Variants in AK1 observed in about 807,000 individuals in gnomAD.
AK1 encodes adenylate kinase 1, also known as adenylate kinase isoenzyme 1.
In AK1, 13 loss-of-function variants were observed where a neutral mutation model predicts 23.9. That is an observed-to-expected ratio of 0.54 (90% confidence interval 0.35 to 0.86). The LOEUF (loss-of-function observed/expected upper bound fraction) is 0.86. Among genes scored for constraint, AK1 ranks in the 40% least tolerant of loss-of-function variants. The pLI, the probability that AK1 is intolerant of heterozygous loss-of-function variation, is 0.01. For synonymous variants in AK1, 97 were observed against 102.8 expected (o/e 0.94, Z 0.34); for missense variants, 214 against 255.1 (o/e 0.84, Z 1.10).
chr9:127,870,074 G>GCGC (rs1002903404), intron 5 of AK1, among the ~76,000 whole-genome samples: 1 of 152,138 alleles, frequency 6.6e-6, no homozygotes, highest in African/African-American at 2.4e-5. Context: ...TGAAGCCCTG[G>GCGC]CGCCCCCTGG....
In AK1 at chr9:127,868,360, A is replaced by G. The variant is rs913986; in HGVS notation, c.477T>C (p.Pro159=). 1,609,367 of 1,609,908 alleles carry G rather than the reference A, an allele frequency of 1. 804,416 individuals carry two copies. Among genetic ancestry groups the G allele is most frequent in the Middle Eastern group, 1 (5,844 of 5,844 alleles). The change falls in exon 6 of 7, where the codon CCT becomes CCC. Residue 159 remains proline, a synonymous_variant. Coordinates refer to ENST00000644144, the MANE Select transcript of AK1 (RefSeq NM_000476.3). The surrounding 1 kb of genome is among the most constrained non-coding windows in gnomAD (Gnocchi z 4.1). ...CACGTTTCTCATAGAAGGCGATGAC[A>G]GGTTCTGTGGCCTTGTAATAGGTCT... The part of the protein sequence containing the change: ...RLETYYKATE[P]VIAFYEKRGI...
intron 1 of AK1, among the ~76,000 whole-genome samples, chr9:127,876,584 G>A (rs1389578615): frequency 6.6e-6 from 1 of 152,184 alleles, no homozygotes; most frequent in African/African-American, 2.4e-5. Context: ...CCCCTCAGCA[G>A]CTGCCCATGG....
intron 2 of AK1, chr9:127,873,331 CGGGCT>C (rs1829461439): frequency 1.3e-6 from 2 of 1,541,010 alleles, no homozygotes; most frequent in African/African-American, 2.7e-5. Context: ...ACACAGCCAG[CGGGCT>C]GGGCCGCCAG....
At chr9:127,879,189 G>A (rs1377219940), upstream of AK1, among the ~76,000 whole-genome samples, 1 of 152,152 alleles carries the variant, frequency 6.6e-6, no homozygotes, top group African/African-American at 2.4e-5. Context: ...TAAAGTGCCA[G>A]CAGGGACTCA....
rs114914972 is a variant in AK1, at chr9:127,876,913, A to G, written c.-33+710T>C. ...CCAGAGGGACGGTGACTTAACCCCAATCACAAGACAAGGCCAAGGCAAGCC... is the reference window on the plus strand; with the variant it reads ...CCAGAGGGACGGTGACTTAACCCCAGTCACAAGACAAGGCCAAGGCAAGCC... On this transcript the variant is annotated intron_variant, in intron 1 of 6. Transcript: ENST00000644144. 6.8e-3 allele frequency among the ~76,000 whole-genome samples: 1,038 copies of G among 152,332 alleles called. 10 individuals carry two copies. The highest frequency in any genetic ancestry group is 0.024 in the Middle Eastern group (7 of 294).
rs1048741949 is a variant in AK1, at chr9:127,874,596, A to T, written c.7+15T>A. ...TGAGGCCCAGGCAATGGGCAAAAGGAGAGGAGGCTCATACCTTCCATCCTG... is the reference window on the plus strand; with the variant it reads ...TGAGGCCCAGGCAATGGGCAAAAGGTGAGGAGGCTCATACCTTCCATCCTG... On this transcript the variant is annotated intron_variant, in intron 2 of 6. Coordinates refer to ENST00000644144, the MANE Select transcript of AK1 (RefSeq NM_000476.3). 6.2e-7 allele frequency: 1 copy of T among 1,613,320 alleles called. No individual in the cohort carries two copies. The highest frequency in any genetic ancestry group is 8.5e-7 in the Non-Finnish European group (1 of 1,179,950).
intron 4 of AK1, 147 bp downstream of exon 4, chr9:127,872,543 C>T: frequency 1.8e-6 from 2 of 1,091,064 alleles, no homozygotes; most frequent in Non-Finnish European, 2.7e-6. Flanking sequence ...AACTTTCTGT[C>T]CAGGGCAATG....
rs753153584 is a variant in AK1 at position 127,871,632 on chromosome 9, G to A, written c.324+191C>T. The stretch of plus-strand genomic sequence containing the variant: ...AGGTTTGGCAACTGCCCCTCCTGGC[G>A]CTTCCCCTTCTACACATTTTCTTCT... On this transcript the variant is annotated intron_variant, in intron 5 of 6. Transcript: ENST00000644144. This position sits in a 1 kb window ranked among gnomAD's most constrained non-coding sequence, Gnocchi z 4.4. Among the ~76,000 whole-genome samples the A allele has an allele frequency of 3.3e-5, 5 of 151,662 alleles. No homozygotes were observed. The highest frequency in any genetic ancestry group is 2.1e-4 in the South Asian group (1 of 4,828).
At chr9:127,876,505 G>A (rs2131415318) in intron 1 of AK1, among the ~76,000 whole-genome samples, 1 of 152,308 alleles carries the variant, frequency 6.6e-6, no homozygotes, top group African/African-American at 2.4e-5. Flanking sequence ...TGCCCCTGCT[G>A]CCCCAGGCAG....
At chr9:127,874,806 C>A (rs755520078) in intron 1 of AK1, 157 bp from the exon 2 acceptor site, 103 of 715,156 alleles carry the variant, frequency 1.4e-4, no homozygotes, top group Non-Finnish European at 2.1e-4. Flanking sequence ...AGGACCCCTT[C>A]CCTGAGAAAG....
upstream of AK1, among the ~76,000 whole-genome samples, chr9:127,878,082 G>C (rs574244308): frequency 6.6e-5 from 10 of 152,332 alleles, no homozygotes; most frequent in South Asian, 1.9e-3. Context: ...ACCAGGGAGC[G>C]AGAGGGCTGA....
chr9:127,876,708 A>T (rs957902423), intron 1 of AK1, among the ~76,000 whole-genome samples: 1 of 129,604 alleles, frequency 7.7e-6, no homozygotes. Flanking sequence ...CCCTGATGGC[A>T]CCTGCCACTT....
chr9:127,868,624 C>T lies in AK1; in HGVS notation c.325-112G>A. 7.8e-7 allele frequency: 1 copy of T among 1,284,438 alleles called. No individual in the cohort carries two copies. The highest frequency in any genetic ancestry group is 1.1e-6 in the Non-Finnish European group (1 of 919,066). 79.6% of individuals were successfully genotyped at this position (1,284,438 alleles called of 1,614,324 possible). On this transcript the variant is annotated intron_variant, in intron 5 of 6. Transcript: ENST00000644144. The surrounding 1 kb of genome is among the most constrained non-coding windows in gnomAD (Gnocchi z 4.1). ...AGATACCCCCTCAGACCTTCAATCCCTTCCCCAAGGCAGCCTGAAAGACCT... is the reference window on the plus strand; with the variant it reads ...AGATACCCCCTCAGACCTTCAATCCTTTCCCCAAGGCAGCCTGAAAGACCT...
chr9:127,872,199 G>A (rs937384751), intron 4 of AK1, among the ~76,000 whole-genome samples: 8 of 152,282 alleles, frequency 5.3e-5, no homozygotes, highest in Admixed American at 1.3e-4. Context: ...CCGAGGACAC[G>A]GCCATGGACC....
intron 5 of AK1, among the ~76,000 whole-genome samples, chr9:127,869,908 C>T (rs1292966783): frequency 6.6e-6 from 1 of 152,246 alleles, no homozygotes; most frequent in Non-Finnish European, 1.5e-5. Flanking sequence ...AGAGCCAGCT[C>T]AGCCTCTGGG....
intron 4 of AK1, 24 bp downstream of exon 4, chr9:127,872,666 C>T: frequency 6.2e-7 from 1 of 1,613,628 alleles, no homozygotes; most frequent in Non-Finnish European, 8.5e-7. Flanking sequence ...TCCCCTGCCT[C>T]TCACCCCACC....
chr9:127,872,654 C>T, intron 4 of AK1, 36 bp downstream of exon 4: 2 of 1,612,864 alleles, frequency 1.2e-6, no homozygotes, highest in Non-Finnish European at 1.7e-6. Flanking sequence ...GGGCTACTGT[C>T]ATCCCCTGCC....
Position 127,868,142 on chromosome 9 carries a change from G to T in AK1, c.517-66C>A. The T allele has an allele frequency of 1.3e-6, 2 of 1,574,814 alleles. No homozygotes were observed. Among genetic ancestry groups the T allele is most frequent in the Non-Finnish European group, 8.7e-7 (1 of 1,145,358 alleles). ...AGTGGGGTGGGCCTCACCATGGCAG[G>T]CCCCAGAGACCAGGCCTGCCTCCCC... On this transcript the variant is annotated intron_variant, in intron 6 of 6. Coordinates refer to ENST00000644144, the MANE Select transcript of AK1 (RefSeq NM_000476.3). This position sits in a 1 kb window ranked among gnomAD's most constrained non-coding sequence, Gnocchi z 4.1.
rs377419250 is a variant in AK1, at chr9:127,868,081, G to T, written c.517-5C>A. On this transcript the variant is annotated splice_region_variant and splice_polypyrimidine_tract_variant and intron_variant, in intron 6 of 6. Transcript: ENST00000644144. The surrounding 1 kb of genome is among the most constrained non-coding windows in gnomAD (Gnocchi z 4.1). Reference sequence around the variant, plus strand: ...CACGGAGCCCTCAGCGTTGACCTGTGGGGAGATGGGCCGTGAGGGCTGAGT... The same window carrying T: ...CACGGAGCCCTCAGCGTTGACCTGTTGGGAGATGGGCCGTGAGGGCTGAGT... The T allele has an allele frequency of 1.3e-5, 21 of 1,613,876 alleles. No homozygotes were observed. The African/African-American group carries it at 2.0e-4, about 15-fold the overall frequency.
Sources: gnomAD v4.1 joint callset for allele counts (sites outside exome capture counted in the v4.1 genomes callset) on GRCh38, gnomAD v4.1.1 for gene constraint, Gnocchi (gnomAD v3.1) non-coding constraint, MANE v1.5 for transcripts, NCBI Gene and HGNC (gene_info 2026-07-23, HGNC 2026-07-21) for gene names.